SLC1A6: variants seen among roughly 807,000 people sequenced by gnomAD.
The protein encoded by SLC1A6 is excitatory amino acid transporter 4.
Under a neutral mutation model 42.1 loss-of-function variants are expected in SLC1A6, and 15 were observed. The ratio of observed to expected loss-of-function variants is 0.36; its 90% CI spans 0.24 to 0.55. SLC1A6 has a LOEUF of 0.55. Among genes scored for constraint, SLC1A6 ranks in the 20% least tolerant of loss-of-function variants. The pLI is 0.88. For synonymous variants in SLC1A6, 317 were observed against 319.7 expected, an observed-to-expected ratio of 0.99 and a Z score of 0.09; for missense variants, 542 against 772.5, an observed-to-expected ratio of 0.70 and a Z score of 3.54.
upstream of SLC1A6, among the ~76,000 whole-genome samples, chr19:14,984,534 T>TGGTGTCG (rs2045783862): frequency 1.3e-5 from 2 of 152,220 alleles, no homozygotes; most frequent in Non-Finnish European, 2.9e-5. Context: ...ACTGTGTCTA[T>TGGTGTCG]TCTTTGAGAC....
At position 14,987,469 on chromosome 19, in the gene SLC1A6, G is replaced by GA. The variant is rs199940367; in HGVS notation, c.7-14553dup. ...AGCGACAGAGCAAGACTCTGTCTCG[G>GA]AAAAAAAAAATTTTTTTTAATTAAA... On this transcript the variant is annotated intron_variant, in intron 1 of 8. Transcript: ENST00000430939. 8.6e-5 allele frequency among the ~76,000 whole-genome samples: 13 copies of GA among 150,948 alleles called. No homozygotes were observed. In the East Asian group the frequency reaches 9.7e-4, roughly 11 times the overall value.
intron 1 of SLC1A6, among the ~76,000 whole-genome samples, chr19:14,988,579 A>G (rs1270699030): frequency 6.6e-6 from 1 of 152,268 alleles, no homozygotes; most frequent in African/African-American, 2.4e-5. Context: ...AATTAAAACC[A>G]CAATGAGATA....
chr19:14,983,746 T>C (rs529614243), upstream of SLC1A6, among the ~76,000 whole-genome samples: 102 of 133,714 alleles, frequency 7.6e-4, 1 homozygote, highest in African/African-American at 2.6e-3. Flanking sequence ...AAAAAAAGGC[T>C]GTAAGGCTGT....
At chr19:14,973,147 T>A in intron 1 of SLC1A6, 4 of 530,410 alleles carry the variant, frequency 7.5e-6, no homozygotes, top group Middle Eastern at 9.7e-4. Context: ...GGGGTGGTAG[T>A]CCTAAATATT....
chr19:14,960,906 G>C (rs1328847053), intron 6 of SLC1A6, among the ~76,000 whole-genome samples: 3 of 149,302 alleles, frequency 2.0e-5, no homozygotes, highest in Non-Finnish European at 4.4e-5. Context: ...ATCACAAAGA[G>C]AGTAGATTTT....
chr19:14,950,198 C>G lies in SLC1A6; in HGVS notation c.1692G>C (p.Met564Ile). The change falls in exon 10 of 10, where the codon ATG becomes ATC. Residue 564 changes from methionine (M) to isoleucine (I), a missense_variant. Met to Ile is a conservative substitution (Grantham distance 10, BLOSUM62 1). Transcript: ENST00000594383. Reference sequence around the variant, plus strand: ...GGGGGGCAGAGCTGGAGGCCCCTCACATAGCACTCTCGTTGCCTCCCCGTC... The same window carrying G: ...GGGGGGCAGAGCTGGAGGCCCCTCAGATAGCACTCTCGTTGCCTCCCCGTC... ...SRGRGGNESAM is the reference protein window; with the variant it reads ...SRGRGGNESAI 6.4e-7 allele frequency: 1 copy of G among 1,558,362 alleles called. No homozygotes were observed. Among genetic ancestry groups the G allele is most frequent in the Non-Finnish European group, 8.7e-7 (1 of 1,146,748 alleles).
upstream of SLC1A6, among the ~76,000 whole-genome samples, chr19:14,983,024 A>T (rs1310435757): frequency 6.6e-6 from 1 of 152,230 alleles, no homozygotes. Flanking sequence ...ATTTTTATAC[A>T]GTTGATTTTC....
chr19:15,004,553 A>AAAAAAG (rs60251760), intron 1 of SLC1A6, among the ~76,000 whole-genome samples: 2 of 150,820 alleles, frequency 1.3e-5, no homozygotes, highest in Non-Finnish European at 1.5e-5. Context: ...AAAAAAAAAA[A>AAAAAAG]GTCAATTGTG....
chr19:14,964,130 T>C (rs1442868920), intron 5 of SLC1A6, 189 bp downstream of exon 5: 13 of 595,446 alleles, frequency 2.2e-5, no homozygotes, highest in Non-Finnish European at 4.0e-5. Flanking sequence ...TTCTCGGACC[T>C]AAGTGCTTCT....
intron 1 of SLC1A6, among the ~76,000 whole-genome samples, chr19:15,008,726 G>A (rs978019948): frequency 5.3e-5 from 8 of 151,982 alleles, no homozygotes; most frequent in African/African-American, 1.9e-4. Flanking sequence ...ATTTCCCCCT[G>A]TAATCTCAGC....
chr19:14,971,678 G>A, intron 3 of SLC1A6, 59 bp downstream of exon 3: 1 of 1,573,146 alleles, frequency 6.4e-7, no homozygotes. Flanking sequence ...CTTGGCTCTG[G>A]GTTCAAGCTG....
intron 1 of SLC1A6, among the ~76,000 whole-genome samples, chr19:14,989,658 T>A (rs2045809448): frequency 6.6e-6 from 1 of 151,840 alleles, no homozygotes; most frequent in Non-Finnish European, 1.5e-5. Flanking sequence ...AGTACAGCCA[T>A]TATAAAAAAC....
chr19:14,980,907 G>A (rs957002930), upstream of SLC1A6, among the ~76,000 whole-genome samples: 1 of 152,064 alleles, frequency 6.6e-6, no homozygotes, highest in African/African-American at 2.4e-5. Context: ...TTCTTTGCAT[G>A]CATCGCCCTG....
chr19:14,998,310 G>A (rs145061261), intron 1 of SLC1A6, among the ~76,000 whole-genome samples: 14,919 of 152,160 alleles, frequency 0.098, 891 homozygotes, highest in East Asian at 0.2. Context: ...GGAGGCCAAG[G>A]TGGGCAGATC....
upstream of SLC1A6, among the ~76,000 whole-genome samples, chr19:14,980,822 C>T (rs1013212299): frequency 6.6e-6 from 1 of 151,820 alleles, no homozygotes; most frequent in East Asian, 1.9e-4. Flanking sequence ...ATTTTCAGGG[C>T]GGGGACAGGT....
chr19:14,954,041 A>T, intron 8 of SLC1A6, 94 bp downstream of exon 8: 3 of 1,066,762 alleles, frequency 2.8e-6, no homozygotes, highest in Non-Finnish European at 4.1e-6. Context: ...TCTGAGCTCC[A>T]GCTGAGGCCC....
intron 3 of SLC1A6, among the ~76,000 whole-genome samples, chr19:14,969,275 C>G (rs1490726421): frequency 1.3e-5 from 2 of 152,260 alleles, no homozygotes; most frequent in Non-Finnish European, 2.9e-5. Flanking sequence ...CCAAGCCAAT[C>G]TGCTGATCCT....
intron 9 of SLC1A6, among the ~76,000 whole-genome samples, chr19:14,951,273 A>AAGAAAGAAAAAGG (rs1555704146): frequency 1.0e-5 from 1 of 99,754 alleles, no homozygotes; most frequent in South Asian, 3.9e-4. Context: ...AAAAAAAAAA[A>AAGAAAGAAAAAGG]AAAAAGAAAG....
intron 1 of SLC1A6, among the ~76,000 whole-genome samples, chr19:15,008,345 T>C (rs1285294307): frequency 1.3e-5 from 2 of 151,854 alleles, no homozygotes; most frequent in Admixed American, 6.6e-5. Flanking sequence ...GCTCAGTCTC[T>C]TTAGAAAAAG....
Sources: gnomAD v4.1 joint callset for allele counts (sites outside exome capture counted in the v4.1 genomes callset) on GRCh38, gnomAD v4.1.1 for gene constraint, MANE v1.5 for transcripts, NCBI Gene and HGNC (gene_info 2026-07-23, HGNC 2026-07-21) for gene names.